EPHA6: variants seen among roughly 807,000 people sequenced by gnomAD.
EPHA6 encodes the protein EPH receptor A6, also known as ephrin type-A receptor 6.
In EPHA6, 50 loss-of-function variants were observed where a neutral mutation model predicts 112.0. The ratio of observed to expected loss-of-function variants is 0.45; its 90% confidence interval spans 0.36 to 0.56. The LOEUF (loss-of-function observed/expected upper bound fraction) is 0.56, where lower values mean the gene tolerates loss of function less well. EPHA6 is among the 20% of genes least tolerant of loss of function. The probability of loss-of-function intolerance (pLI) is 0.00; values close to 1 mark genes in which losing one functional copy is unlikely to be tolerated. For synonymous variants in EPHA6, 529 were observed against 490.7 expected (o/e 1.08, Z -1.03); for missense variants, 1,280 against 1,417.4 (o/e 0.90, Z 1.56).
intron 2 of EPHA6, among the ~76,000 whole-genome samples, chr3:96,947,041 T>TG (rs908289044): frequency 3.9e-5 from 6 of 151,990 alleles, no homozygotes; most frequent in African/African-American, 1.2e-4. Context: ...TTTTTTTTTT[T>TG]GTAGATTTGT....
intron 10 of EPHA6, among the ~76,000 whole-genome samples, chr3:97,506,384 T>G (rs2092253619): frequency 6.6e-6 from 1 of 152,214 alleles, no homozygotes. Flanking sequence ...GGGGTCCAGT[T>G]TCAGTTTTCT....
rs1403616813 is a variant in EPHA6, at chr3:97,312,979, A to C, written c.1606+68692A>C. On this transcript the variant is annotated intron_variant, in intron 5 of 17. Transcript: ENST00000389672. ...ATATACATTATTATTAACTGTGGTCACTATGCTTAATAATAGATTACTAAG... is the reference window on the plus strand; with the variant it reads ...ATATACATTATTATTAACTGTGGTCCCTATGCTTAATAATAGATTACTAAG... Among the ~76,000 whole-genome samples, 21 of 151,586 alleles carry C rather than the reference A, an allele frequency of 1.4e-4. 1 individual carries two copies. The highest frequency in any genetic ancestry group is 1.2e-3 in the East Asian group (6 of 5,148).
intron 11 of EPHA6, among the ~76,000 whole-genome samples, chr3:97,584,747 A>T (rs1224526464): frequency 2.6e-5 from 4 of 152,198 alleles, no homozygotes; most frequent in Admixed American, 2.6e-4. Flanking sequence ...AGGCATGGAG[A>T]CATGAAATGG....
In EPHA6 at chr3:97,626,763, T is replaced by G. The variant is rs556608512; in HGVS notation, c.2575-11110T>G. Among the ~76,000 whole-genome samples the G allele has an allele frequency of 4.0e-5, 6 of 151,886 alleles. No individual in the cohort carries two copies. The East Asian group carries it at 1.2e-3, about 29-fold the overall frequency. ...TGATAAACTATTAGTAGCTTAAAAT[T>G]TGCTATGTTGGGAGTAGTTACACCA... On this transcript the variant is annotated intron_variant, in intron 13 of 17. Transcript: ENST00000389672.
intron 3 of EPHA6, among the ~76,000 whole-genome samples, chr3:97,020,024 G>A (rs1431916376): frequency 4.6e-5 from 7 of 152,122 alleles, no homozygotes; most frequent in South Asian, 2.1e-4. Context: ...TAGCAATAAG[G>A]TTTGTTTGGG....
intron 5 of EPHA6, among the ~76,000 whole-genome samples, chr3:97,258,159 C>T (rs2079377763): frequency 6.6e-6 from 1 of 151,890 alleles, no homozygotes; most frequent in Non-Finnish European, 1.5e-5. Flanking sequence ...TTAATATCCC[C>T]AGGGTCTACC....
At chr3:97,291,724 T>C (rs952099670) in intron 5 of EPHA6, among the ~76,000 whole-genome samples, 1 of 152,236 alleles carries the variant, frequency 6.6e-6, no homozygotes, top group Non-Finnish European at 1.5e-5. Flanking sequence ...ATATTTAGAA[T>C]TGGTATGTCC....
At chr3:97,030,418 A>G (rs1315279504) in intron 3 of EPHA6, among the ~76,000 whole-genome samples, 1 of 152,064 alleles carries the variant, frequency 6.6e-6, no homozygotes, top group East Asian at 1.9e-4. Context: ...TCCAGGTAGC[A>G]ATTCCTTTGA....
At chr3:97,417,246 G>C (rs2088197984) in intron 6 of EPHA6, among the ~76,000 whole-genome samples, 1 of 152,036 alleles carries the variant, frequency 6.6e-6, no homozygotes, top group Non-Finnish European at 1.5e-5. Flanking sequence ...GACCATGTTT[G>C]TCTCTCCATG....
chr3:96,966,667 G>A (rs2042130921), intron 2 of EPHA6, among the ~76,000 whole-genome samples: 1 of 151,930 alleles, frequency 6.6e-6, no homozygotes, highest in South Asian at 2.1e-4. Flanking sequence ...AATTGATTAA[G>A]GATATTTTAG....
At chr3:97,142,978 C>T (rs2108356604) in intron 3 of EPHA6, among the ~76,000 whole-genome samples, 1 of 151,856 alleles carries the variant, frequency 6.6e-6, no homozygotes, top group East Asian at 1.9e-4. Context: ...GATTCCTAGC[C>T]AGAGAAGTTA....
chr3:97,184,533 A>T (rs145878335), intron 3 of EPHA6, among the ~76,000 whole-genome samples: 1,944 of 152,272 alleles, frequency 0.013, 44 homozygotes, highest in African/African-American at 0.043. Flanking sequence ...CTTCAAGGAG[A>T]ACTACAAACT....
chr3:97,028,962 A>G (rs1340514377), intron 3 of EPHA6, among the ~76,000 whole-genome samples: 2 of 151,674 alleles, frequency 1.3e-5, no homozygotes, highest in Non-Finnish European at 3.0e-5. Context: ...ATCATTGGAT[A>G]TAATAGCTTC....
chr3:97,020,468 G>A (rs545134783), intron 3 of EPHA6, among the ~76,000 whole-genome samples: 1 of 152,274 alleles, frequency 6.6e-6, no homozygotes, highest in East Asian at 1.9e-4. Context: ...GACCTGCAGA[G>A]TACCTAAGTC....
At chr3:97,411,521 T>G (rs1367201864) in intron 6 of EPHA6, among the ~76,000 whole-genome samples, 1 of 152,104 alleles carries the variant, frequency 6.6e-6, no homozygotes, top group Non-Finnish European at 1.5e-5. Context: ...TGTTTAAAAT[T>G]ATAGAAGCTG....
In EPHA6 at chr3:97,654,191, T is replaced by C. The variant is rs575121623; in HGVS notation, c.2784+16109T>C. ...GTGATAAATATGTTACCTAGCTTGA[T>C]TGTGGTTATGATTTCACAATGTATA... is the stretch of plus-strand genomic sequence containing the variant. On this transcript the variant is annotated intron_variant, in intron 14 of 17. Coordinates refer to ENST00000389672, the MANE Select transcript of EPHA6 (RefSeq NM_001080448.3). Among the ~76,000 whole-genome samples the C allele has an allele frequency of 2.7e-4, 41 of 152,118 alleles. No individual in the cohort carries two copies. The South Asian group carries it at 8.1e-3, about 30-fold the overall frequency.
At chr3:97,519,711 T>A (rs141284400) in intron 10 of EPHA6, among the ~76,000 whole-genome samples, 87 of 152,252 alleles carry the variant, frequency 5.7e-4, no homozygotes, top group African/African-American at 2.0e-3. Context: ...GTTAAATTTA[T>A]ACCTAGATAT....
chr3:97,745,628 T>C, intron 16 of EPHA6: 1 of 178,092 alleles, frequency 5.6e-6, no homozygotes, highest in South Asian at 1.0e-4. Context: ...CCCTGTAATC[T>C]CTCTTCACCC....
rs75860853 is a variant in EPHA6 at position 97,433,839 on chromosome 3, G to T, written c.1732-14729G>T. 8.3e-3 allele frequency among the ~76,000 whole-genome samples: 1,259 copies of T among 152,188 alleles called. 20 individuals are homozygous for T. Among genetic ancestry groups the T allele is most frequent in the African/African-American group, 0.028 (1,176 of 41,530 alleles). On this transcript the variant is annotated intron_variant, in intron 6 of 17. Transcript: ENST00000389672. ...ATCCGTTCCACCCTCTAACACAGAA[G>T]AGGCACGTTGCCCCATGTCCCTGGA...
Sources: allele counts gnomAD v4.1 joint callset (sites outside exome capture counted in the v4.1 genomes callset), GRCh38; gene constraint gnomAD v4.1.1; transcripts MANE v1.5; gene names NCBI Gene and HGNC (gene_info 2026-07-23, HGNC 2026-07-21).